Variants in MAN2A1 observed in about 807,000 individuals in gnomAD.
MAN2A1 encodes the protein alpha-mannosidase 2.
A neutral mutation model predicts 142.6 loss-of-function variants in MAN2A1; 76 were observed. The ratio of observed to expected loss-of-function variants is 0.53; its 90% CI spans 0.44 to 0.65. The LOEUF (loss-of-function observed/expected upper bound fraction) is 0.65. MAN2A1 is among the 30% of genes least tolerant of loss of function. The probability of loss-of-function intolerance (pLI) is 0.00; values close to 1 mark genes in which losing one functional copy is unlikely to be tolerated. For synonymous variants in MAN2A1, 559 were observed against 473.2 expected (o/e 1.18, Z -2.35); for missense variants, 1,311 against 1,365.1 (o/e 0.96, Z 0.62).
intron 12 of MAN2A1, among the ~76,000 whole-genome samples, chr5:109,813,129 A>G (rs1488349168): frequency 6.6e-6 from 1 of 152,134 alleles, no homozygotes; most frequent in African/African-American, 2.4e-5. Flanking sequence ...CTTAGTATAT[A>G]TTGCAAGTTT....
chr5:109,797,851 C>T (rs1411901703), intron 12 of MAN2A1, among the ~76,000 whole-genome samples: 1 of 152,060 alleles, frequency 6.6e-6, no homozygotes, highest in Non-Finnish European at 1.5e-5. Flanking sequence ...CTGACTTAGA[C>T]AGGAAGACTA....
At position 109,753,143 on chromosome 5, in the gene MAN2A1, A is replaced by AC. The variant is rs145353608; in HGVS notation, c.708-2186_708-2185insC. 7.0e-3 allele frequency among the ~76,000 whole-genome samples: 1,067 copies of AC among 152,296 alleles called. 11 individuals carry two copies. Among genetic ancestry groups the AC allele is most frequent in the African/African-American group, 0.025 (1,040 of 41,566 alleles). On this transcript the variant is annotated intron_variant, in intron 4 of 21. Coordinates refer to ENST00000261483, the MANE Select transcript of MAN2A1 (RefSeq NM_002372.4). ...TTCCAAAAGATCTATTTATTGATAT[A>AC]TTGAAATAATGAAGTCAAGTTTCCG...
At chr5:109,713,806 C>G (rs12657204) in intron 2 of MAN2A1, 32 bp downstream of exon 2, 233,578 of 1,371,892 alleles carry the variant, frequency 0.17, 7,996 homozygotes, top group East Asian at 0.46. Flanking sequence ...AATCACTGGC[C>G]TTTTTTTTTT....
chr5:109,696,210 C>T (rs1750807494), intron 1 of MAN2A1, among the ~76,000 whole-genome samples: 2 of 152,032 alleles, frequency 1.3e-5, no homozygotes, highest in African/African-American at 4.8e-5. Flanking sequence ...AAGCGATTCT[C>T]CTGCCTCAGC....
chr5:109,845,843 A>G (rs750777743), intron 17 of MAN2A1, 22 bp from the exon 18 acceptor site: 1 of 1,591,380 alleles, frequency 6.3e-7, no homozygotes, highest in South Asian at 1.1e-5. Context: ...CTTTTTGTAG[A>G]TGGAATTGTT....
intron 4 of MAN2A1, among the ~76,000 whole-genome samples, chr5:109,736,377 T>G (rs1437332749): frequency 6.6e-6 from 1 of 152,138 alleles, no homozygotes; most frequent in Non-Finnish European, 1.5e-5. Flanking sequence ...TTTTGTCAAG[T>G]GCAGTGGCTA....
intron 4 of MAN2A1, among the ~76,000 whole-genome samples, chr5:109,742,278 C>T (rs1240500914): frequency 3.3e-5 from 5 of 152,196 alleles, no homozygotes; most frequent in Admixed American, 3.3e-4. Context: ...AAAGTCTTGA[C>T]CAGTTTCTCT....
chr5:109,761,789 G>A (rs1752850491), intron 5 of MAN2A1, among the ~76,000 whole-genome samples: 1 of 151,820 alleles, frequency 6.6e-6, no homozygotes, highest in Admixed American at 6.6e-5. Context: ...GTCTTTTATT[G>A]GAGGTAGATT....
intron 6 of MAN2A1, 82 bp from the exon 7 acceptor site, chr5:109,770,273 G>C: frequency 4.0e-6 from 5 of 1,261,500 alleles, no homozygotes; most frequent in Non-Finnish European, 5.6e-6. Context: ...GCATTACTTT[G>C]TGTAAAGTAA....
chr5:109,692,503 G>T (rs534959062), intron 1 of MAN2A1, among the ~76,000 whole-genome samples: 3 of 152,196 alleles, frequency 2.0e-5, no homozygotes, highest in African/African-American at 7.2e-5. Context: ...ATTAGCCTTC[G>T]TATCTTACAG....
At chr5:109,786,808 G>A (rs775788399) in intron 10 of MAN2A1, among the ~76,000 whole-genome samples, 3 of 151,976 alleles carry the variant, frequency 2.0e-5, no homozygotes, top group Admixed American at 6.6e-5. Flanking sequence ...AATTAGGGGT[G>A]CATTTGGCTG....
At chr5:109,715,802 A>T (rs1582817395) in intron 2 of MAN2A1, among the ~76,000 whole-genome samples, 1 of 152,100 alleles carries the variant, frequency 6.6e-6, no homozygotes, top group African/African-American at 2.4e-5. Flanking sequence ...AATTTTTTTC[A>T]TGGTTCTTTT....
intron 6 of MAN2A1, among the ~76,000 whole-genome samples, chr5:109,768,457 G>T (rs917921369): frequency 6.6e-6 from 1 of 152,102 alleles, no homozygotes; most frequent in Non-Finnish European, 1.5e-5. Context: ...TTTGCCAAAA[G>T]TCATATAGGT....
chr5:109,711,012 G>A (rs1751286112), intron 1 of MAN2A1, among the ~76,000 whole-genome samples: 3 of 151,962 alleles, frequency 2.0e-5, no homozygotes, highest in African/African-American at 7.3e-5. Flanking sequence ...ATTTTTAGTA[G>A]AGATGGGGTT....
intron 1 of MAN2A1, among the ~76,000 whole-genome samples, chr5:109,702,349 G>GTGTGTGTGTGTGTC (rs1434044122): frequency 4.9e-5 from 7 of 142,676 alleles, no homozygotes; most frequent in African/African-American, 1.9e-4. Flanking sequence ...GTGTGTGTGT[G>GTGTGTGTGTGTGTC]TGTCTGTGTG....
At chr5:109,853,251 G>A (rs1469356396) in intron 19 of MAN2A1, among the ~76,000 whole-genome samples, 1 of 152,102 alleles carries the variant, frequency 6.6e-6, no homozygotes, top group African/African-American at 2.4e-5. Flanking sequence ...CCCGGCACAG[G>A]GTCATGGAGC....
At chr5:109,725,739 C>T (rs140714498) in intron 3 of MAN2A1, among the ~76,000 whole-genome samples, 1 of 152,278 alleles carries the variant, frequency 6.6e-6, no homozygotes, top group East Asian at 1.9e-4. Context: ...CTAAATGTTC[C>T]TGAAGAGCAT....
intron 4 of MAN2A1, among the ~76,000 whole-genome samples, chr5:109,739,595 G>T (rs891925726): frequency 6.6e-6 from 1 of 152,114 alleles, no homozygotes; most frequent in South Asian, 2.1e-4. Context: ...ATTGTTGTCC[G>T]TAAGTCCAAG....
intron 4 of MAN2A1, among the ~76,000 whole-genome samples, chr5:109,747,678 A>G (rs576267516): frequency 7.0e-4 from 106 of 152,314 alleles, no homozygotes; most frequent in East Asian, 1.7e-3. Context: ...TGCCTAAAAC[A>G]TTATTCTCTA....
Sources: allele counts gnomAD v4.1 joint callset (sites outside exome capture counted in the v4.1 genomes callset), GRCh38; gene constraint gnomAD v4.1.1; transcripts MANE v1.5; gene names NCBI Gene and HGNC (gene_info 2026-07-23, HGNC 2026-07-21).